The following ADAMTSL3 variants were observed in gnomAD, a reference collection of about 807,000 sequenced individuals.
The protein encoded by ADAMTSL3 is ADAMTS-like protein 3.
A neutral mutation model predicts 201.7 loss-of-function variants in ADAMTSL3; 128 were observed. The ratio of observed to expected loss-of-function variants is 0.63; its 90% CI spans 0.55 to 0.73. The LOEUF (loss-of-function observed/expected upper bound fraction) is 0.73. ADAMTSL3 is among the 30% of genes least tolerant of loss of function. ADAMTSL3 has a pLI of 0.00. For synonymous variants in ADAMTSL3, 738 were observed against 748.4 expected, an observed-to-expected ratio of 0.99 and a Z score of 0.23; for missense variants, 1,990 against 2,119.6, an observed-to-expected ratio of 0.94 and a Z score of 1.20.
intron 4 of ADAMTSL3, among the ~76,000 whole-genome samples, chr15:83,787,211 G>A (rs958061803): frequency 3.3e-5 from 5 of 152,252 alleles, no homozygotes; most frequent in Admixed American, 2.6e-4. Flanking sequence ...CATGAATACC[G>A]TTGTGAGAGT....
intron 4 of ADAMTSL3, among the ~76,000 whole-genome samples, chr15:83,778,706 A>G (rs1300756010): frequency 2.0e-5 from 3 of 152,208 alleles, no homozygotes; most frequent in Non-Finnish European, 4.4e-5. Context: ...GCAACCACAT[A>G]AACAAGTCTG....
chr15:83,667,251 A>G (rs1421046139), intron 2 of ADAMTSL3, among the ~76,000 whole-genome samples: 1 of 152,104 alleles, frequency 6.6e-6, no homozygotes, highest in Non-Finnish European at 1.5e-5. Flanking sequence ...GCATACTTTT[A>G]AAGTTATTGT....
chr15:83,816,463 T>C (rs937447958), intron 5 of ADAMTSL3, among the ~76,000 whole-genome samples: 8 of 152,200 alleles, frequency 5.3e-5, no homozygotes, highest in African/African-American at 7.2e-5. Context: ...TGAAACTTCA[T>C]TGGTTTATGT....
Position 83,991,221 on chromosome 15 carries a change from G to T in ADAMTSL3, c.3973+7G>T. The stretch of plus-strand genomic sequence containing the variant: ...ATCCGATGTCCTGTAAAAGGTAAGT[G>T]TGGTCATTTCAGTGGGAGGCCATTT... On this transcript the variant is annotated splice_region_variant and intron_variant, in intron 23 of 29. Transcript: ENST00000286744. 1 of 1,614,166 alleles carries T rather than the reference G, an allele frequency of 6.2e-7. No individual in the cohort carries two copies. Among genetic ancestry groups the T allele is most frequent in the Non-Finnish European group, 8.5e-7 (1 of 1,180,018 alleles).
Position 83,967,816 on chromosome 15 carries a change from T to A in ADAMTSL3, c.2491-2668T>A, listed in dbSNP as rs768540413. Among the ~76,000 whole-genome samples, 10 of 152,192 alleles carry A rather than the reference T, an allele frequency of 6.6e-5. 1 individual carries two copies. Among genetic ancestry groups the A allele is most frequent in the Non-Finnish European group, 1.5e-5 (1 of 68,044 alleles). ...GGCTACAGAAACCAAAACAGTATGG[T>A]ACTGGTACCAAAACAGATATATAGA... On this transcript the variant is annotated intron_variant, in intron 19 of 29. Coordinates refer to ENST00000286744, the MANE Select transcript of ADAMTSL3 (RefSeq NM_207517.3).
intron 17 of ADAMTSL3, among the ~76,000 whole-genome samples, chr15:83,928,655 T>A (rs2066293030): frequency 6.6e-6 from 1 of 152,228 alleles, no homozygotes; most frequent in South Asian, 2.1e-4. Context: ...TGTGTCATCA[T>A]ATAATTTTTT....
intron 8 of ADAMTSL3, among the ~76,000 whole-genome samples, chr15:83,866,683 G>C (rs377177072): frequency 1.3e-5 from 2 of 152,024 alleles, no homozygotes; most frequent in East Asian, 3.9e-4. Flanking sequence ...TGTGTGCAGC[G>C]CACCAACATG....
chr15:83,956,294 G>A (rs2066861084), intron 19 of ADAMTSL3, among the ~76,000 whole-genome samples: 1 of 152,170 alleles, frequency 6.6e-6, no homozygotes, highest in African/African-American at 2.4e-5. Context: ...CAGGGAATGG[G>A]GAAGGGGTGG....
chr15:84,002,280 A>G (rs2067804570), intron 23 of ADAMTSL3, among the ~76,000 whole-genome samples: 1 of 152,196 alleles, frequency 6.6e-6, no homozygotes, highest in African/African-American at 2.4e-5. Flanking sequence ...GCTTTGGCTT[A>G]TGGGTCTACA....
rs1275011726 is a variant in ADAMTSL3 at position 83,874,570 on chromosome 15, TG to T, written c.960+3612del. 1.3e-4 allele frequency among the ~76,000 whole-genome samples: 19 copies of T among 143,908 alleles called. 5 individuals are homozygous for T. The highest frequency in any genetic ancestry group is 4.8e-4 in the African/African-American group (18 of 37,408). 94.4% of individuals were successfully genotyped at this position (143,908 alleles called of 152,430 possible). A position where few individuals can be genotyped will look rare whatever the true frequency, so the allele number is the denominator to read the frequency against. On this transcript the variant is annotated intron_variant, in intron 9 of 29. Coordinates refer to ENST00000286744, the MANE Select transcript of ADAMTSL3 (RefSeq NM_207517.3). ...GTTCAGAAAAGGCCCAGTTTGTGCCTGTTACCCCTGCTTAATTGTTAGTAGC... is the reference window on the plus strand; with the variant it reads ...GTTCAGAAAAGGCCCAGTTTGTGCCTTTACCCCTGCTTAATTGTTAGTAGC...
chr15:83,822,250 T>TCCTCACTTCTCAGACGGGGCGGCTGCC (rs2063889684), intron 6 of ADAMTSL3, among the ~76,000 whole-genome samples: 12 of 84,002 alleles, frequency 1.4e-4, no homozygotes, highest in Non-Finnish European at 2.8e-4. Flanking sequence ...GGGTGGCTGC[T>TCCTCACTTCTCAGACGGGGCGGCTGCC]GGGCGGAGGG....
intron 3 of ADAMTSL3, among the ~76,000 whole-genome samples, chr15:83,743,123 A>G (rs2062482877): frequency 6.6e-6 from 1 of 152,180 alleles, no homozygotes; most frequent in South Asian, 2.1e-4. Context: ...CCTCTTAGCA[A>G]GAGTCTGTGA....
chr15:83,897,893 G>A lies in ADAMTSL3; in HGVS notation c.1503G>A (p.Arg501=), dbSNP rs1236806209. 6.2e-7 allele frequency: 1 copy of A among 1,613,362 alleles called. No homozygotes were observed. The highest frequency in any genetic ancestry group is 8.5e-7 in the Non-Finnish European group (1 of 1,179,556). The change falls in exon 14 of 30, where the codon CGG becomes CGA. Residue 501 remains arginine, a synonymous_variant. Coordinates refer to ENST00000286744, the MANE Select transcript of ADAMTSL3 (RefSeq NM_207517.3). ...TVTCGRGLRY[R]VVLCINHRGE... Reference sequence around the variant, plus strand: ...CTTGTGGCCGAGGGTTACGGTACCGGGTTGTTCTGTGTATTAACCACCGCG... The same window carrying A: ...CTTGTGGCCGAGGGTTACGGTACCGAGTTGTTCTGTGTATTAACCACCGCG...
chr15:83,745,059 A>G (rs961813996), intron 3 of ADAMTSL3, among the ~76,000 whole-genome samples: 3 of 152,196 alleles, frequency 2.0e-5, no homozygotes, highest in African/African-American at 7.2e-5. Flanking sequence ...CTGGACCCCT[A>G]AAAACCCCAG....
chr15:83,972,888 A>G (rs2067221286), intron 20 of ADAMTSL3, among the ~76,000 whole-genome samples: 1 of 152,042 alleles, frequency 6.6e-6, no homozygotes, highest in South Asian at 2.1e-4. Context: ...CTTCACCACC[A>G]TATGACAGAG....
At chr15:83,823,690 G>T (rs191196241) in intron 6 of ADAMTSL3, among the ~76,000 whole-genome samples, 1 of 152,158 alleles carries the variant, frequency 6.6e-6, no homozygotes, top group East Asian at 1.9e-4. Flanking sequence ...ATTCCCTCCA[G>T]TCTGTTCTTC....
At chr15:83,955,457 G>C (rs905819378) in intron 19 of ADAMTSL3, among the ~76,000 whole-genome samples, 8 of 151,968 alleles carry the variant, frequency 5.3e-5, no homozygotes, top group Non-Finnish European at 1.2e-4. Context: ...AATGCTGTCC[G>C]AAAGCCTAGG....
At position 83,790,025 on chromosome 15, in the gene ADAMTSL3, A is replaced by G. The variant is rs891695248; in HGVS notation, c.318-14625A>G. ...TTTTCTGGGGCTGAGAAATCAAAAGATATCCTTAATATGAAATAAGTAATT... is the reference window on the plus strand; with the variant it reads ...TTTTCTGGGGCTGAGAAATCAAAAGGTATCCTTAATATGAAATAAGTAATT... On this transcript the variant is annotated intron_variant, in intron 4 of 29. Coordinates refer to ENST00000286744, the MANE Select transcript of ADAMTSL3 (RefSeq NM_207517.3). Among the ~76,000 whole-genome samples the G allele has an allele frequency of 3.9e-5, 6 of 152,094 alleles. No individual in the cohort carries two copies. The East Asian group carries it at 1.2e-3, about 29-fold the overall frequency.
At chr15:83,909,986 A>C (rs565681845) in intron 15 of ADAMTSL3, among the ~76,000 whole-genome samples, 1 of 152,272 alleles carries the variant, frequency 6.6e-6, no homozygotes, top group African/African-American at 2.4e-5. Flanking sequence ...TTCCATCCCT[A>C]CAAAAGTTTT....
Sources: gnomAD v4.1 joint callset for allele counts (sites outside exome capture counted in the v4.1 genomes callset) on GRCh38, gnomAD v4.1.1 for gene constraint, MANE v1.5 for transcripts, NCBI Gene and HGNC (gene_info 2026-07-23, HGNC 2026-07-21) for gene names.